MRNIP: variants seen among roughly 807,000 people sequenced by gnomAD.
MRNIP encodes MRN complex interacting protein.
MRNIP carries 30 observed loss-of-function variants against 29.8 expected under a neutral mutation model. The observed-to-expected ratio is 1.01, with a 90% CI of 0.75 to 1.36. The LOEUF is 1.36. Ranked by LOEUF, MRNIP falls within the 40% of genes most tolerant of loss-of-function variation. The probability of loss-of-function intolerance (pLI) is 0.00; values close to 1 mark genes in which losing one functional copy is unlikely to be tolerated. For synonymous variants in MRNIP, 201 were observed against 164.1 expected, an observed-to-expected ratio of 1.23 and a Z score of -1.72; for missense variants, 459 against 423.5, an observed-to-expected ratio of 1.08 and a Z score of -0.74.
At chr5:179,852,182 A>G (rs970863565) in intron 2 of MRNIP, among the ~76,000 whole-genome samples, 1 of 150,822 alleles carries the variant, frequency 6.6e-6, no homozygotes, top group Non-Finnish European at 1.5e-5. Context: ...GATACTCAGG[A>G]GGCTGAGGCA....
intron 2 of MRNIP, among the ~76,000 whole-genome samples, chr5:179,849,401 A>G (rs56380814): frequency 0.015 from 2,287 of 149,936 alleles, 34 homozygotes; most frequent in Non-Finnish European, 0.025. Context: ...ATGGTAAGAG[A>G]TGGAATTTGT....
At chr5:179,842,302 T>A (rs1009238615) in intron 4 of MRNIP, among the ~76,000 whole-genome samples, 1 of 150,498 alleles carries the variant, frequency 6.6e-6, no homozygotes, top group Non-Finnish European at 1.5e-5. Flanking sequence ...CTCATGAAAG[T>A]CTATGCTCCC....
At chr5:179,858,031 GAAGAA>G (rs1759673683) in intron 1 of MRNIP, among the ~76,000 whole-genome samples, 2 of 138,700 alleles carry the variant, frequency 1.4e-5, no homozygotes, top group South Asian at 4.3e-4. Context: ...AAAAAAAGAA[GAAGAA>G]GTCTGATGCT....
chr5:179,857,304 T>C (rs1759631054), intron 1 of MRNIP, among the ~76,000 whole-genome samples: 1 of 151,622 alleles, frequency 6.6e-6, no homozygotes, highest in South Asian at 2.1e-4. Flanking sequence ...CTACTAAAAA[T>C]ACAAAAATTA....
intron 1 of MRNIP, among the ~76,000 whole-genome samples, chr5:179,855,481 C>T (rs1759537986): frequency 6.6e-6 from 1 of 152,118 alleles, no homozygotes; most frequent in Non-Finnish European, 1.5e-5. Context: ...AATGAGAAGC[C>T]ACTAAAACCA....
At chr5:179,842,585 A>G (rs1467938520) in intron 4 of MRNIP, among the ~76,000 whole-genome samples, 1 of 151,000 alleles carries the variant, frequency 6.6e-6, no homozygotes, top group Non-Finnish European at 1.5e-5. Context: ...CTGTAGTCCC[A>G]GCTACTCAGG....
In MRNIP at chr5:179,837,353, A is replaced by T. The variant is rs779423592; in HGVS notation, c.*38T>A. 1.9e-6 allele frequency: 3 copies of T among 1,583,026 alleles called. No individual in the cohort carries two copies. The African/African-American group carries it at 4.1e-5, about 21-fold the overall frequency. On this transcript the variant is annotated 3_prime_UTR_variant, in exon 7 of 7. Coordinates refer to ENST00000292586, the MANE Select transcript of MRNIP (RefSeq NM_016175.4). The stretch of plus-strand genomic sequence containing the variant: ...GCCTTAGGGGAACCCTGTCCCTCCT[A>T]ACAAGTGTATCTCGATTAATAACCT...
intron 2 of MRNIP, among the ~76,000 whole-genome samples, chr5:179,852,579 A>T (rs1759417085): frequency 6.6e-6 from 1 of 152,190 alleles, no homozygotes; most frequent in Non-Finnish European, 1.5e-5. Flanking sequence ...GCATAAACAC[A>T]TGACTATGTA....
At chr5:179,837,954 C>A in intron 6 of MRNIP, 69 bp from the exon 7 acceptor site, 1 of 1,470,838 alleles carries the variant, frequency 6.8e-7, no homozygotes, top group Non-Finnish European at 9.2e-7. Context: ...ACCGCCTGCC[C>A]TGCCTGGGCC....
At position 179,858,722 on chromosome 5, in the gene MRNIP, C is replaced by G. The variant is rs1426194286; in HGVS notation, c.66+9G>C. 1.1e-5 allele frequency: 17 copies of G among 1,498,878 alleles called. No individual in the cohort carries two copies. Among genetic ancestry groups the G allele is most frequent in the Non-Finnish European group, 1.4e-5 (16 of 1,118,592 alleles). The allele number at this position is 1,498,878 out of a possible 1,614,324, so 92.8% of individuals were successfully genotyped here. A position where few individuals can be genotyped will look rare whatever the true frequency, so the allele number is the denominator to read the frequency against. On this transcript the variant is annotated intron_variant, in intron 1 of 6. Transcript: ENST00000292586. Reference sequence around the variant, plus strand: ...CGGAGGAGGAGGAGGGGGCTGGCACCCGCCAGACCTGGTGCGCCTGGAAGA... The same window carrying G: ...CGGAGGAGGAGGAGGGGGCTGGCACGCGCCAGACCTGGTGCGCCTGGAAGA...
chr5:179,847,936 A>C (rs779988525), intron 3 of MRNIP, 42 bp downstream of exon 3: 2 of 1,386,170 alleles, frequency 1.4e-6, no homozygotes, highest in East Asian at 4.6e-5. Flanking sequence ...AGTCAAGACG[A>C]AAACAGGGCA....
In MRNIP at chr5:179,853,417, C is replaced by T; in HGVS notation, c.87G>A (p.Trp29Ter). Residue 29 changes from tryptophan to a stop codon, truncating the protein, a stop_gained, in exon 2 of 7, where the codon TGG (tryptophan) becomes TGA (stop). Transcript: ENST00000292586. LOFTEE classifies it high-confidence loss of function. ...QAHQVKKSVK[W>*]TCKACGEKQS... ...GCTTCTCTCCACAAGCTTTGCATGT[C>T]CACTTGACACTCTTTTTTACCTGCA... The T allele has an allele frequency of 4.3e-6, 7 of 1,611,540 alleles. No individual in the cohort carries two copies. The highest frequency in any genetic ancestry group is 5.9e-6 in the Non-Finnish European group (7 of 1,179,148).
intron 2 of MRNIP, among the ~76,000 whole-genome samples, chr5:179,852,825 T>C (rs893558186): frequency 6.6e-6 from 1 of 152,152 alleles, no homozygotes; most frequent in Non-Finnish European, 1.5e-5. Context: ...GCAATACGGA[T>C]GGACTGAAAA....
At chr5:179,848,146 G>T in intron 2 of MRNIP, 80 bp from the exon 3 acceptor site, 1 of 1,072,608 alleles carries the variant, frequency 9.3e-7, no homozygotes, top group Non-Finnish European at 1.4e-6. Flanking sequence ...ATGCACCTCA[G>T]GGAGGACAAA....
At chr5:179,839,767 G>C (rs1758793888) in intron 6 of MRNIP, 1 of 152,396 alleles carries the variant, frequency 6.6e-6, no homozygotes, top group South Asian at 2.1e-4. Flanking sequence ...TGGCTCCTCT[G>C]ACAGGCAGAG....
intron 4 of MRNIP, among the ~76,000 whole-genome samples, chr5:179,842,331 C>G (rs1253740592): frequency 6.6e-6 from 1 of 151,936 alleles, no homozygotes; most frequent in Non-Finnish European, 1.5e-5. Flanking sequence ...TGATTCCACA[C>G]AGAGAAGGCA....
In MRNIP at chr5:179,844,016, C is replaced by T; in HGVS notation, c.291+136G>A. ...GTACAGGTTTATTTATTTTTGTGTT[C>T]CCTGCAGCTTTAAGCCAACTGCCTG... On this transcript the variant is annotated intron_variant, in intron 4 of 6. Transcript: ENST00000292586. 5.6e-6 allele frequency: 4 copies of T among 713,940 alleles called. No homozygotes were observed. The South Asian group carries it at 6.8e-5, about 12-fold the overall frequency. The allele number at this position is 713,940 out of a possible 1,614,324, so 44.2% of individuals were successfully genotyped here. A position where few individuals can be genotyped will look rare whatever the true frequency, so the allele number is the denominator to read the frequency against.
At chr5:179,851,986 A>T (rs1490829723) in intron 2 of MRNIP, among the ~76,000 whole-genome samples, 1 of 151,810 alleles carries the variant, frequency 6.6e-6, no homozygotes, top group Non-Finnish European at 1.5e-5. Context: ...AAAAAAAAAT[A>T]AAAAAATAAA....
In MRNIP at chr5:179,837,905, T is replaced by C. The variant is rs748507473; in HGVS notation, c.538-20A>G. 2.4e-5 allele frequency: 39 copies of C among 1,594,992 alleles called. No individual in the cohort carries two copies. The highest frequency in any genetic ancestry group is 3.3e-5 in the Non-Finnish European group (39 of 1,175,770). ...CTGTCCCTGAAAGAGAAGATGGCCATGCCCTCCATGTGTAAGAACAATGCC... is the reference window on the plus strand; with the variant it reads ...CTGTCCCTGAAAGAGAAGATGGCCACGCCCTCCATGTGTAAGAACAATGCC... On this transcript the variant is annotated intron_variant, in intron 6 of 6. Coordinates refer to ENST00000292586, the MANE Select transcript of MRNIP (RefSeq NM_016175.4).
Sources: gnomAD v4.1 joint callset for allele counts (sites outside exome capture counted in the v4.1 genomes callset) on GRCh38, gnomAD v4.1.1 for gene constraint, MANE v1.5 for transcripts, NCBI Gene and HGNC (gene_info 2026-07-23, HGNC 2026-07-21) for gene names.